KLRG1: variants seen among roughly 807,000 people sequenced by gnomAD.
KLRG1 encodes the protein killer cell lectin-like receptor subfamily G member 1.
A neutral mutation model predicts 21.8 loss-of-function variants in KLRG1; 16 were observed. That is an observed-to-expected ratio of 0.73 (90% CI 0.50 to 1.11). The LOEUF (loss-of-function observed/expected upper bound fraction) is 1.11. Among genes scored for constraint, KLRG1 ranks in the 50% most tolerant of loss-of-function variants. KLRG1 has a pLI of 0.00. For synonymous variants in KLRG1, 69 were observed against 75.9 expected, an observed-to-expected ratio of 0.91 and a Z score of 0.47; for missense variants, 173 against 218.3, an observed-to-expected ratio of 0.79 and a Z score of 1.31.
chr12:9,189,427 C>A, the KLRG1 span, among the ~76,000 whole-genome samples: 1 of 152,218 alleles, frequency 6.6e-6, no homozygotes, highest in African/African-American at 2.4e-5. Flanking sequence ...GCTGAGATAA[C>A]TGGCTAGCCA....
the KLRG1 span, among the ~76,000 whole-genome samples, chr12:9,147,853 A>G: frequency 6.6e-6 from 1 of 152,166 alleles, no homozygotes; most frequent in South Asian, 2.1e-4. Flanking sequence ...GCCTTTATGT[A>G]TGAATTTGAA....
the KLRG1 span, chr12:9,028,141 GTCT>G: frequency 1.4e-3 from 864 of 628,224 alleles, 2 homozygotes; most frequent in Non-Finnish European, 1.9e-3. Flanking sequence ...CAGTGTCGTC[GTCT>G]TCTTCTTTTT....
chr12:9,179,855 C>A, the KLRG1 span, among the ~76,000 whole-genome samples: 1 of 152,170 alleles, frequency 6.6e-6, no homozygotes, highest in Non-Finnish European at 1.5e-5. Flanking sequence ...AGATTTGATT[C>A]TTTACAGAAA....
chr12:9,124,927 C>G, the KLRG1 span, among the ~76,000 whole-genome samples: 1 of 152,176 alleles, frequency 6.6e-6, no homozygotes, highest in Non-Finnish European at 1.5e-5. Context: ...CTATGGCTGC[C>G]CATGGATCAA....
the KLRG1 span, chr12:9,095,589 A>G: frequency 6.2e-7 from 1 of 1,611,956 alleles, no homozygotes; most frequent in African/African-American, 1.3e-5. Context: ...ACTGGAGTAT[A>G]TGTGATTCCA....
the KLRG1 span, among the ~76,000 whole-genome samples, chr12:9,158,825 C>T: frequency 7.0e-6 from 1 of 143,820 alleles, no homozygotes; most frequent in Non-Finnish European, 1.5e-5. Flanking sequence ...CTTCCTAAAG[C>T]ATTTCTATGC....
chr12:9,197,665 TTA>T, the KLRG1 span, among the ~76,000 whole-genome samples: 3 of 104,424 alleles, frequency 2.9e-5, no homozygotes, highest in East Asian at 2.4e-4. Flanking sequence ...TATAAAATTA[TTA>T]TATATATTAT....
At chr12:8,953,677 T>TA (rs1041571232) in intron 1 of KLRG1, among the ~76,000 whole-genome samples, 3 of 152,184 alleles carry the variant, frequency 2.0e-5, no homozygotes, top group African/African-American at 4.8e-5. Context: ...AGGGAAGTGA[T>TA]ACGTTTTTAT....
chr12:9,160,328 C>T, the KLRG1 span: 1 of 1,611,794 alleles, frequency 6.2e-7, no homozygotes. Flanking sequence ...GATGAGATAG[C>T]CAACGGCCTT....
At chr12:9,094,960 A>C in the KLRG1 span, 2 of 1,397,728 alleles carry the variant, frequency 1.4e-6, no homozygotes, top group Non-Finnish European at 1.9e-6. Flanking sequence ...ATATTTATTA[A>C]TTTTTTGTTT....
chr12:8,959,178 T>C (rs373242868), intron 1 of KLRG1, among the ~76,000 whole-genome samples: 2 of 152,172 alleles, frequency 1.3e-5, no homozygotes, highest in Non-Finnish European at 2.9e-5. Context: ...AGAATAGACA[T>C]AGTTGAACAA....
At chr12:9,102,371 C>A in the KLRG1 span, among the ~76,000 whole-genome samples, 6 of 152,064 alleles carry the variant, frequency 3.9e-5, no homozygotes, top group Non-Finnish European at 5.9e-5. Context: ...CATGCCACCC[C>A]ACCCAGCTAA....
At chr12:9,013,761 C>T (rs1323143338), downstream of KLRG1, among the ~76,000 whole-genome samples, 1 of 152,062 alleles carries the variant, frequency 6.6e-6, no homozygotes, top group Non-Finnish European at 1.5e-5. Context: ...CCACCAGGTA[C>T]CTCCCACCAG....
the KLRG1 span, chr12:9,093,354 ATGT>A: frequency 5.6e-6 from 4 of 708,834 alleles, no homozygotes; most frequent in Non-Finnish European, 9.9e-6. Flanking sequence ...TCAAAACATC[ATGT>A]TGTACATCAT....
At chr12:9,100,849 T>C in the KLRG1 span, among the ~76,000 whole-genome samples, 1 of 151,832 alleles carries the variant, frequency 6.6e-6, no homozygotes, top group Non-Finnish European at 1.5e-5. Flanking sequence ...GGAGCTAAGT[T>C]ATGAGGATGC....
chr12:9,079,831 G>T, the KLRG1 span: 1 of 1,560,710 alleles, frequency 6.4e-7, no homozygotes, highest in Non-Finnish European at 8.7e-7. Context: ...GAATGGGAGA[G>T]ATGGGAAGTC....
the KLRG1 span, chr12:9,104,234 C>G: frequency 6.2e-7 from 1 of 1,605,596 alleles, no homozygotes; most frequent in East Asian, 2.2e-5. Flanking sequence ...TCTTTCCAAA[C>G]TTACCCTAAC....
chr12:9,049,609 A>C, the KLRG1 span, among the ~76,000 whole-genome samples: 1 of 152,050 alleles, frequency 6.6e-6, no homozygotes, highest in African/African-American at 2.4e-5. Flanking sequence ...TCAGGTTTCT[A>C]TGGTTATTTT....
chr12:9,203,434 C>T, the KLRG1 span, among the ~76,000 whole-genome samples: 6 of 150,120 alleles, frequency 4.0e-5, no homozygotes, highest in South Asian at 2.1e-4. Context: ...CTTCGCCTCC[C>T]GGGTTCACGC....
Sources: allele counts gnomAD v4.1 joint callset (sites outside exome capture counted in the v4.1 genomes callset), GRCh38; gene constraint gnomAD v4.1.1; transcripts MANE v1.5; gene names NCBI Gene and HGNC (gene_info 2026-07-23, HGNC 2026-07-21).